Variants in PCDH11X observed in about 807,000 individuals in gnomAD.
PCDH11X encodes the protein protocadherin-11 X-linked.
PCDH11X carries 18 observed loss-of-function variants against 53.3 expected under a neutral mutation model. The observed-to-expected ratio is 0.34, with a 90% confidence interval of 0.23 to 0.50. PCDH11X has a LOEUF of 0.50. PCDH11X is among the 20% of genes least tolerant of loss of function. The pLI is 0.98. For missense variants in PCDH11X, 570 were observed against 1,032.4 expected, an observed-to-expected ratio of 0.55 and a Z score of 6.14; for synonymous variants, 279 against 393.3, an observed-to-expected ratio of 0.71 and a Z score of 3.44.
intron 6 of PCDH11X, among the ~76,000 whole-genome samples, chrX:92,184,450 A>T (rs2148296575): frequency 8.9e-6 from 1 of 112,319 alleles, no homozygotes; most frequent in African/African-American, 3.2e-5. Context: ...CAAATTACTA[A>T]TGAAATTCTT....
chrX:92,031,592 C>A, intron 6 of PCDH11X, among the ~76,000 whole-genome samples: 1 of 111,764 alleles, frequency 8.9e-6, no homozygotes, highest in Admixed American at 9.5e-5. Context: ...CCAATGTTTT[C>A]TTGTGTTCAT....
At chrX:92,507,181 T>C (rs1478337603) in intron 10 of PCDH11X, among the ~76,000 whole-genome samples, 2 of 110,840 alleles carry the variant, frequency 1.8e-5, no homozygotes, top group Non-Finnish European at 3.8e-5. Context: ...ACTTCTGAAT[T>C]CATTGATCTT....
At chrX:91,855,696 C>T (rs376894206) in intron 5 of PCDH11X, among the ~76,000 whole-genome samples, 28 of 110,184 alleles carry the variant, frequency 2.5e-4, no homozygotes, top group African/African-American at 7.3e-4. Context: ...TCATAGTTTT[C>T]GTGATTGAGA....
intron 6 of PCDH11X, among the ~76,000 whole-genome samples, chrX:91,907,250 G>T (rs1468107708): frequency 9.5e-6 from 1 of 104,965 alleles, no homozygotes; most frequent in African/African-American, 3.4e-5. Context: ...TTGATCTTCA[G>T]ATAGAGATAA....
At chrX:92,136,377 C>A (rs2065083595) in intron 6 of PCDH11X, among the ~76,000 whole-genome samples, 1 of 109,892 alleles carries the variant, frequency 9.1e-6, no homozygotes, top group Non-Finnish European at 1.9e-5. Context: ...AGAGAGGCAA[C>A]AGGGGATCAG....
chrX:92,037,918 G>A (rs760772311), intron 6 of PCDH11X, among the ~76,000 whole-genome samples: 76 of 82,629 alleles, frequency 9.2e-4, no homozygotes, highest in Non-Finnish European at 1.4e-3. Flanking sequence ...TTTTTTTTTC[G>A]TAACTGTGTG....
rs943874152 is a variant in PCDH11X, at chrX:91,949,368, CA to C, written c.3033+70099del. On this transcript the variant is annotated intron_variant, in intron 6 of 10. Transcript: ENST00000682573. Reference sequence around the variant, plus strand: ...AGATATAGAGGGAAAAAAAAACTTACAAAAGAAAATGCTGTCGCTTCTGAAT... The same window carrying C: ...AGATATAGAGGGAAAAAAAAACTTACAAAGAAAATGCTGTCGCTTCTGAAT... Among the ~76,000 whole-genome samples, 17 of 109,531 alleles carry C rather than the reference CA, an allele frequency of 1.6e-4. 1 individual carries two copies. The highest frequency in any genetic ancestry group is 1.5e-3 in the Admixed American group (15 of 10,245).
chrX:92,185,810 T>C (rs2066082084), intron 6 of PCDH11X, among the ~76,000 whole-genome samples: 1 of 107,895 alleles, frequency 9.3e-6, no homozygotes, highest in Non-Finnish European at 1.9e-5. Context: ...TTACCCTAAA[T>C]AGAATACCTA....
intron 6 of PCDH11X, among the ~76,000 whole-genome samples, chrX:92,042,261 C>A (rs1354147359): frequency 1.8e-5 from 2 of 109,802 alleles, no homozygotes; most frequent in Non-Finnish European, 3.8e-5. Flanking sequence ...ATGTCACATT[C>A]TTCGGTGAAC....
intron 6 of PCDH11X, among the ~76,000 whole-genome samples, chrX:92,180,252 G>A (rs2065973478): frequency 9.0e-6 from 1 of 110,877 alleles, no homozygotes; most frequent in East Asian, 2.9e-4. Flanking sequence ...GACAGCAAGG[G>A]GGAGGTCAGC....
At chrX:92,568,666 T>C (rs1344418202) in intron 10 of PCDH11X, among the ~76,000 whole-genome samples, 1 of 110,056 alleles carries the variant, frequency 9.1e-6, no homozygotes, top group East Asian at 2.8e-4. Flanking sequence ...TCCAGAATCT[T>C]TAAATACTAT....
chrX:92,263,261 G>T, intron 8 of PCDH11X, 118 bp downstream of exon 8: 4 of 568,571 alleles, frequency 7.0e-6, no homozygotes, highest in African/African-American at 2.3e-5. Flanking sequence ...CATATGTTAT[G>T]GTTCTACTTT....
rs371498261 is a variant in PCDH11X, at chrX:92,286,729, A to G, written c.3144+23586A>G. On this transcript the variant is annotated intron_variant, in intron 8 of 10. Coordinates refer to ENST00000682573, the MANE Select transcript of PCDH11X (RefSeq NM_032968.5). The stretch of plus-strand genomic sequence containing the variant: ...TATTAAATGCTACTGAAAGATGGAA[A>G]AAGAACAAAGTAGCTACAACTGAAA... 4.6e-4 allele frequency among the ~76,000 whole-genome samples: 40 copies of G among 87,479 alleles called. No individual in the cohort carries two copies. The East Asian group carries it at 6.7e-3, about 15-fold the overall frequency. The allele number at this position is 87,479 out of a possible 115,157, so 76.0% of individuals were successfully genotyped here.
At chrX:92,295,926 A>G (rs1328074102) in intron 8 of PCDH11X, among the ~76,000 whole-genome samples, 4 of 109,467 alleles carry the variant, frequency 3.7e-5, no homozygotes, top group Non-Finnish European at 7.6e-5. Context: ...CTAAAAAAAC[A>G]CAAAAAATTA....
intron 8 of PCDH11X, among the ~76,000 whole-genome samples, chrX:92,270,195 G>A (rs2067923807): frequency 9.4e-6 from 1 of 106,857 alleles, no homozygotes; most frequent in African/African-American, 3.4e-5. Context: ...TGAAACCTCA[G>A]CCTCCCAGGT....
chrX:92,420,788 A>G (rs2071946668), intron 9 of PCDH11X, among the ~76,000 whole-genome samples: 2 of 111,554 alleles, frequency 1.8e-5, no homozygotes, highest in Middle Eastern at 4.6e-3. Context: ...CTTTGAGTTT[A>G]TCATGGTTGG....
intron 10 of PCDH11X, among the ~76,000 whole-genome samples, chrX:92,497,627 T>C (rs138371208): frequency 1.9e-4 from 21 of 111,535 alleles, no homozygotes; most frequent in African/African-American, 6.5e-4. Flanking sequence ...TGGTATTCAT[T>C]AGGAATTAGA....
intron 7 of PCDH11X, among the ~76,000 whole-genome samples, chrX:92,205,374 T>G (rs1462163947): frequency 9.0e-6 from 1 of 111,443 alleles, no homozygotes; most frequent in Admixed American, 9.6e-5. Context: ...CATCTCAGAA[T>G]TATACTACTA....
intron 6 of PCDH11X, among the ~76,000 whole-genome samples, chrX:92,179,597 T>A (rs1225280033): frequency 8.9e-6 from 1 of 112,085 alleles, no homozygotes; most frequent in Admixed American, 9.5e-5. Flanking sequence ...AAAGGCTTTG[T>A]TATCTAAAAA....
Sources: allele counts gnomAD v4.1 joint callset (sites outside exome capture counted in the v4.1 genomes callset), GRCh38; gene constraint gnomAD v4.1.1; transcripts MANE v1.5; gene names NCBI Gene and HGNC (gene_info 2026-07-23, HGNC 2026-07-21).